The following TTLL1 variants were observed in gnomAD, a reference collection of about 807,000 sequenced individuals.
TTLL1 encodes TTL family tubulin polyglutamylase complex subunit L1, also known as polyglutamylase complex subunit TTLL1.
TTLL1 carries 33 observed loss-of-function variants against 47.8 expected under a neutral mutation model. The ratio of observed to expected loss-of-function variants is 0.69; its 90% CI spans 0.52 to 0.92. The LOEUF is 0.92. Ranked by LOEUF, TTLL1 falls within the 40% of genes least tolerant of loss-of-function variation. The pLI is 0.00. For synonymous variants in TTLL1, 225 were observed against 214.1 expected (o/e 1.05, Z -0.45); for missense variants, 488 against 547.5 (o/e 0.89, Z 1.08).
intron 8 of TTLL1, among the ~76,000 whole-genome samples, chr22:43,055,317 A>T (rs1293798675): frequency 6.7e-6 from 1 of 148,914 alleles, no homozygotes; most frequent in Non-Finnish European, 1.5e-5. Context: ...GTGCCTGGCC[A>T]CGTCTGTCTA....
In TTLL1 at chr22:43,042,684, C is replaced by T. The variant is rs549332091; in HGVS notation, c.1143-2779G>A. Among the ~76,000 whole-genome samples, 9 of 152,286 alleles carry T rather than the reference C, an allele frequency of 5.9e-5. 1 individual carries two copies. In the South Asian group the frequency reaches 1.9e-3, roughly 32 times the overall value. Reference sequence around the variant, plus strand: ...TGGACGGGCGGCGCCGCTCAGATGACGTGGCCCTCCCAGTCAGCACCAACT... The same window carrying T: ...TGGACGGGCGGCGCCGCTCAGATGATGTGGCCCTCCCAGTCAGCACCAACT... On this transcript the variant is annotated intron_variant, in intron 10 of 10. Transcript: ENST00000266254.
At chr22:43,049,343 G>C (rs183426883) in intron 9 of TTLL1, among the ~76,000 whole-genome samples, 2 of 151,838 alleles carry the variant, frequency 1.3e-5, no homozygotes, top group Admixed American at 6.6e-5. Flanking sequence ...GACCAACATG[G>C]AGAAACCCCA....
intron 8 of TTLL1, among the ~76,000 whole-genome samples, chr22:43,055,319 G>A (rs539972364): frequency 6.0e-5 from 9 of 150,644 alleles, no homozygotes; most frequent in East Asian, 3.9e-4. Flanking sequence ...GCCTGGCCAC[G>A]TCTGTCTATA....
intron 2 of TTLL1, among the ~76,000 whole-genome samples, chr22:43,077,262 C>G (rs552842410): frequency 2.6e-5 from 4 of 152,150 alleles, no homozygotes; most frequent in Non-Finnish European, 5.9e-5. Flanking sequence ...CTGGGCTTCT[C>G]TGCCCACTCT....
intron 2 of TTLL1, 69 bp from the exon 3 acceptor site, chr22:43,075,659 C>T (rs1050201653): frequency 3.7e-6 from 5 of 1,361,860 alleles, no homozygotes; most frequent in Non-Finnish European, 5.2e-6. Context: ...CCAAGGAATC[C>T]TCTAAACAGC....
In TTLL1 at chr22:43,068,410, G is replaced by T; in HGVS notation, c.503C>A (p.Ser168Ter). Residue 168 changes from serine (S) to a stop codon, truncating the protein, a stop_gained and splice_region_variant, in exon 5 of 11, where the codon TCG (serine) becomes TAG (stop). Transcript: ENST00000266254. LOFTEE classifies it high-confidence loss of function. ...AAAGTGGGTGGCTGCCCACACTTAC[G>T]AAGATGTCTTGCTGTCCCGGGACCA... ...KKWSRDSKTS[S>*]FVSQSNKEAY... 6.7e-7 allele frequency: 1 copy of T among 1,503,020 alleles called. No homozygotes were observed. Among genetic ancestry groups the T allele is most frequent in the Non-Finnish European group, 9.0e-7 (1 of 1,107,108 alleles). 93.1% of individuals were successfully genotyped at this position (1,503,020 alleles called of 1,614,324 possible).
chr22:43,054,706 G>T (rs1200785742), intron 8 of TTLL1, among the ~76,000 whole-genome samples: 1 of 147,580 alleles, frequency 6.8e-6, no homozygotes, highest in Non-Finnish European at 1.5e-5. Flanking sequence ...TTACAAGCAT[G>T]AGCCACTGCA....
chr22:43,062,636 C>T (rs1340236170), intron 7 of TTLL1, among the ~76,000 whole-genome samples: 1 of 151,956 alleles, frequency 6.6e-6, no homozygotes, highest in Non-Finnish European at 1.5e-5. Context: ...TCGAGACCAG[C>T]CTGGCCAACA....
At chr22:43,058,373 C>G (rs572247569) in intron 8 of TTLL1, among the ~76,000 whole-genome samples, 16 of 152,280 alleles carry the variant, frequency 1.1e-4, no homozygotes, top group African/African-American at 3.6e-4. Flanking sequence ...AACCAGCAAA[C>G]AAACATAAAA....
At position 43,046,397 on chromosome 22, in the gene TTLL1, C is replaced by G; in HGVS notation, c.1142+13G>C. 1.2e-6 allele frequency: 2 copies of G among 1,613,928 alleles called. No individual in the cohort carries two copies. Among genetic ancestry groups the G allele is most frequent in the Non-Finnish European group, 1.7e-6 (2 of 1,179,914 alleles). On this transcript the variant is annotated intron_variant, in intron 10 of 10. Transcript: ENST00000266254. ...ACACAGAAGGACAAGCGCACAGTCACACACACACTTACAGAATCTCGTAAT... is the reference window on the plus strand; with the variant it reads ...ACACAGAAGGACAAGCGCACAGTCAGACACACACTTACAGAATCTCGTAAT...
chr22:43,053,063 A>AAAAC (rs887550836), intron 8 of TTLL1, among the ~76,000 whole-genome samples: 2 of 152,134 alleles, frequency 1.3e-5, no homozygotes, highest in South Asian at 2.1e-4. Flanking sequence ...TCTGTCTCAA[A>AAAAC]AAACAAACAA....
chr22:43,059,606 G>T, intron 7 of TTLL1, 79 bp from the exon 8 acceptor site: 1 of 1,493,656 alleles, frequency 6.7e-7, no homozygotes, highest in East Asian at 2.5e-5. Context: ...CATCCCCCAA[G>T]CATTTCTGGA....
intron 8 of TTLL1, among the ~76,000 whole-genome samples, chr22:43,054,468 A>G (rs1179645906): frequency 2.2e-5 from 3 of 138,278 alleles, no homozygotes; most frequent in African/African-American, 8.3e-5. Context: ...CTTGTTGCCC[A>G]GGCTGGAGTA....
chr22:43,087,655 T>A (rs186542620), intron 1 of TTLL1, among the ~76,000 whole-genome samples: 1 of 150,096 alleles, frequency 6.7e-6, no homozygotes, highest in Admixed American at 6.6e-5. Context: ...CTGGCCAACA[T>A]GGTGAAACCC....
intron 8 of TTLL1, among the ~76,000 whole-genome samples, chr22:43,058,070 A>G (rs1334740130): frequency 1.3e-5 from 2 of 151,768 alleles, no homozygotes; most frequent in Non-Finnish European, 2.9e-5. Context: ...CAGCCTCCCG[A>G]GTAGCTGGGA....
At chr22:43,060,506 T>TG (rs5845579) in intron 7 of TTLL1, among the ~76,000 whole-genome samples, 87,252 of 152,072 alleles carry the variant, frequency 0.57, 26,720 homozygotes, top group East Asian at 0.79. Flanking sequence ...GACACTGGGC[T>TG]CACACTGCAG....
intron 9 of TTLL1, among the ~76,000 whole-genome samples, chr22:43,047,415 A>G (rs1274526331): frequency 6.6e-6 from 1 of 152,232 alleles, no homozygotes; most frequent in Admixed American, 6.5e-5. Context: ...TCCACACATT[A>G]AAATGAAGAC....
In TTLL1 at chr22:43,069,688, T is replaced by C. The variant is rs758907821; in HGVS notation, c.270A>G (p.Lys90=). The part of the protein sequence containing the change: ...NIKRYRKELE[K]EGSPLAEKDE... ...CTTTTTCTGCCAGAGGACTCCCTTCTTTCTCCAGCTCCTTCCTGTATCTTT... is the reference window on the plus strand; with the variant it reads ...CTTTTTCTGCCAGAGGACTCCCTTCCTTCTCCAGCTCCTTCCTGTATCTTT... The change falls in exon 4 of 11, where the codon AAA becomes AAG. Residue 90 remains lysine (K), a synonymous_variant. Coordinates refer to ENST00000266254, the MANE Select transcript of TTLL1 (RefSeq NM_012263.5). 5 of 1,614,224 alleles carry C rather than the reference T, an allele frequency of 3.1e-6. No homozygotes were observed. The South Asian group carries it at 5.5e-5, about 18-fold the overall frequency.
At chr22:43,042,605 G>C (rs533474320) in intron 10 of TTLL1, among the ~76,000 whole-genome samples, 2 of 152,350 alleles carry the variant, frequency 1.3e-5, no homozygotes, top group East Asian at 3.9e-4. Context: ...AGTGTCCTCT[G>C]CTAGATGCTG....
Sources: allele counts gnomAD v4.1 joint callset (sites outside exome capture counted in the v4.1 genomes callset), GRCh38; gene constraint gnomAD v4.1.1; transcripts MANE v1.5; gene names NCBI Gene and HGNC (gene_info 2026-07-23, HGNC 2026-07-21).